Variants in OOSP3 observed in about 807,000 individuals in gnomAD.
OOSP3 encodes the protein oocyte secreted protein family member 3.
At chr11:59,893,841 A>G (rs1013304945) in intron 2 of OOSP3, among the ~76,000 whole-genome samples, 1 of 152,242 alleles carries the variant, frequency 6.6e-6, no homozygotes, top group African/African-American at 2.4e-5. Context: ...ATTCAAGATT[A>G]CAATCTTGTT....
At chr11:59,894,592 T>C (rs1264232650) in intron 3 of OOSP3, among the ~76,000 whole-genome samples, 1 of 152,254 alleles carries the variant, frequency 6.6e-6, no homozygotes, top group African/African-American at 2.4e-5. Context: ...GGACTCTGCC[T>C]TAAATAGCAT....
intron 2 of OOSP3, among the ~76,000 whole-genome samples, chr11:59,891,465 G>A (rs1429200763): frequency 6.6e-6 from 1 of 152,126 alleles, no homozygotes; most frequent in Non-Finnish European, 1.5e-5. Flanking sequence ...TTTTTGTGGG[G>A]TCTTTTTTTG....
intron 2 of OOSP3, among the ~76,000 whole-genome samples, chr11:59,892,093 G>A (rs77174541): frequency 0.028 from 4,248 of 152,292 alleles, 204 homozygotes; most frequent in African/African-American, 0.093. Context: ...CTGCCTGAGC[G>A]GCTGCTGACC....
intron 2 of OOSP3, among the ~76,000 whole-genome samples, chr11:59,892,021 C>T (rs1490613277): frequency 6.6e-6 from 1 of 152,208 alleles, no homozygotes; most frequent in African/African-American, 2.4e-5. Flanking sequence ...GTGGACGAAT[C>T]TCTTGCCTCA....
intron 4 of OOSP3, among the ~76,000 whole-genome samples, 193 bp from the exon 5 acceptor site, chr11:59,895,940 A>G (rs1355388228): frequency 1.3e-5 from 2 of 152,200 alleles, no homozygotes; most frequent in Admixed American, 1.3e-4. Flanking sequence ...TTGATAAACC[A>G]CTTACTTTAA....
rs74570254 is a variant in OOSP3 at position 59,893,876 on chromosome 11, G to A, written c.253-203G>A. Reference sequence around the variant, plus strand: ...TATTTTATTTCCACACATATTAACTGATTGCACTGATGATCAAAAGCCTTG... The same window carrying A: ...TATTTTATTTCCACACATATTAACTAATTGCACTGATGATCAAAAGCCTTG... On this transcript the variant is annotated intron_variant, in intron 2 of 4. Coordinates refer to ENST00000646438, the Ensembl canonical transcript of OOSP3. 1.3e-3 allele frequency among the ~76,000 whole-genome samples: 202 copies of A among 152,266 alleles called. 1 individual carries two copies. The highest frequency in any genetic ancestry group is 3.9e-3 in the African/African-American group (163 of 41,566).
chr11:59,891,920 C>A (rs1333087832), intron 2 of OOSP3, among the ~76,000 whole-genome samples: 1 of 152,190 alleles, frequency 6.6e-6, no homozygotes, highest in African/African-American at 2.4e-5. Flanking sequence ...GGAATCCAAG[C>A]CAGTAGGTCA....
chr11:59,893,732 A>G (rs1175022744), intron 2 of OOSP3, among the ~76,000 whole-genome samples: 2 of 152,206 alleles, frequency 1.3e-5, no homozygotes, highest in Non-Finnish European at 2.9e-5. Context: ...CAATATTTTC[A>G]GACATCTGGG....
rs114825393 is a variant in OOSP3 at position 59,892,551 on chromosome 11, T to C, written c.253-1528T>C. On this transcript the variant is annotated intron_variant, in intron 2 of 4. Transcript: ENST00000646438. The stretch of plus-strand genomic sequence containing the variant: ...TCTAATTCTTTTTTTACATGTTTGA[T>C]AGAATTGAGTAGTGGAGCCTGGTGA... 7.6e-3 allele frequency among the ~76,000 whole-genome samples: 1,161 copies of C among 152,280 alleles called. 17 individuals carry two copies. The highest frequency in any genetic ancestry group is 0.026 in the African/African-American group (1,092 of 41,552).
intron 2 of OOSP3, among the ~76,000 whole-genome samples, chr11:59,886,266 T>C (rs1006119590): frequency 6.6e-6 from 1 of 152,240 alleles, no homozygotes; most frequent in African/African-American, 2.4e-5. Flanking sequence ...GGTATGTATG[T>C]ACCACATTTT....
intron 2 of OOSP3, among the ~76,000 whole-genome samples, chr11:59,887,376 G>T (rs552876256): frequency 6.6e-6 from 1 of 152,132 alleles, no homozygotes; most frequent in Admixed American, 6.5e-5. Flanking sequence ...TTGCACATGT[G>T]TATGACCTGA....
intron 2 of OOSP3, among the ~76,000 whole-genome samples, chr11:59,883,831 AG>A (rs1394181732): frequency 6.6e-6 from 1 of 152,342 alleles, no homozygotes; most frequent in African/African-American, 2.4e-5. Flanking sequence ...AACCTACAAA[AG>A]GTCATACAGC....
chr11:59,895,991 A>C (rs1018019746), intron 4 of OOSP3, 142 bp from the exon 5 acceptor site: 2 of 395,854 alleles, frequency 5.1e-6, no homozygotes, highest in Non-Finnish European at 8.9e-6. Flanking sequence ...CAACTCTTTC[A>C]ACCCTTCCCT....
chr11:59,889,547 T>C (rs1853291476), intron 2 of OOSP3, among the ~76,000 whole-genome samples: 1 of 152,228 alleles, frequency 6.6e-6, no homozygotes, highest in South Asian at 2.1e-4. Flanking sequence ...CTTAATTTCA[T>C]TATTTACCCA....
At chr11:59,886,191 A>G (rs1590873521) in intron 2 of OOSP3, among the ~76,000 whole-genome samples, 2 of 152,140 alleles carry the variant, frequency 1.3e-5, no homozygotes, top group Admixed American at 1.3e-4. Context: ...AATGGCTTCC[A>G]GCTTCACCTA....
At chr11:59,882,243 A>AGC (rs1313539957) in intron 2 of OOSP3, among the ~76,000 whole-genome samples, 1 of 149,916 alleles carries the variant, frequency 6.7e-6, no homozygotes, top group Non-Finnish European at 1.5e-5. Flanking sequence ...AACCAATCAG[A>AGC]GCTGTAGGTT....
chr11:59,887,229 GT>G (rs112633342), intron 2 of OOSP3, among the ~76,000 whole-genome samples: 3,133 of 151,824 alleles, frequency 0.021, 126 homozygotes, highest in African/African-American at 0.07. Context: ...TAGGTTGTCT[GT>G]TTGCTCTGAT....
At chr11:59,885,332 T>G (rs940903371) in intron 2 of OOSP3, among the ~76,000 whole-genome samples, 8 of 152,214 alleles carry the variant, frequency 5.3e-5, no homozygotes, top group Non-Finnish European at 1.2e-4. Context: ...TCTTTTTTCT[T>G]CAACTTTAAT....
intron 2 of OOSP3, among the ~76,000 whole-genome samples, chr11:59,891,417 TACCTTTG>T (rs1385284543): frequency 1.3e-5 from 2 of 152,240 alleles, no homozygotes; most frequent in African/African-American, 4.8e-5. Flanking sequence ...TGGATGTATC[TACCTTTG>T]ACCTTTGAGG....
Sources: allele counts gnomAD v4.1 joint callset (sites outside exome capture counted in the v4.1 genomes callset), GRCh38; gene constraint gnomAD v4.1.1; transcripts MANE v1.5; gene names NCBI Gene and HGNC (gene_info 2026-07-23, HGNC 2026-07-21).